Variants in CMIP observed in about 807,000 individuals in gnomAD.
The protein encoded by CMIP is c-Maf inducing protein, also known as C-Maf-inducing protein.
Under a neutral mutation model 97.3 loss-of-function variants are expected in CMIP, and 13 were observed. That is an observed-to-expected ratio of 0.13 (90% CI 0.09 to 0.21). The LOEUF is 0.21. Ranked by LOEUF, CMIP falls within the 10% of genes least tolerant of loss-of-function variation. The pLI, the probability that CMIP is intolerant of heterozygous loss-of-function variation, is 1.00. For synonymous variants in CMIP, 538 were observed against 436.3 expected (o/e 1.23, Z -2.91); for missense variants, 847 against 1,024.9 (o/e 0.83, Z 2.37).
At chr16:81,661,278 G>A (rs1432347489) in intron 6 of CMIP, among the ~76,000 whole-genome samples, 1 of 152,244 alleles carries the variant, frequency 6.6e-6, no homozygotes, top group Non-Finnish European at 1.5e-5. Context: ...CTGCGCAGTG[G>A]CTGGCCCACG....
At chr16:81,493,742 G>A (rs114399448) in intron 1 of CMIP, among the ~76,000 whole-genome samples, 485 of 152,324 alleles carry the variant, frequency 3.2e-3, no homozygotes, top group African/African-American at 0.01. Context: ...CATACACGAA[G>A]CAACACGCAC....
chr16:81,585,434 C>T (rs1236791522), intron 1 of CMIP, among the ~76,000 whole-genome samples: 6 of 152,186 alleles, frequency 3.9e-5, no homozygotes, highest in African/African-American at 1.2e-4. Flanking sequence ...ACAATATTCT[C>T]ATCACCTCAA....
chr16:81,643,078 G>A (rs1388785459), intron 3 of CMIP, among the ~76,000 whole-genome samples: 4 of 152,142 alleles, frequency 2.6e-5, no homozygotes, highest in Non-Finnish European at 5.9e-5. Flanking sequence ...CAACAGTTTT[G>A]GCAGACACAG....
rs557362070 is a variant in CMIP, at chr16:81,694,615, A to G, written c.1530+1128A>G. Among the ~76,000 whole-genome samples, 29 of 152,304 alleles carry G rather than the reference A, an allele frequency of 1.9e-4. 1 individual carries two copies. The highest frequency in any genetic ancestry group is 1.2e-3 in the East Asian group (6 of 5,188). ...GTTCTAGAGTACTTGTTCTCAAACT[A>G]TATTACCTGAGGAGCTTGTTCAAAA... On this transcript the variant is annotated intron_variant, in intron 13 of 20. Coordinates refer to ENST00000537098, the MANE Select transcript of CMIP (RefSeq NM_198390.3).
rs1479330945 is a variant in CMIP at position 81,485,501 on chromosome 16, G to A, written c.300+39960G>A. Among the ~76,000 whole-genome samples, 11 of 152,330 alleles carry A rather than the reference G, an allele frequency of 7.2e-5. No homozygotes were observed. The South Asian group carries it at 2.3e-3, about 32-fold the overall frequency. On this transcript the variant is annotated intron_variant, in intron 1 of 20. Transcript: ENST00000537098. The stretch of plus-strand genomic sequence containing the variant: ...GTCCCAGCTTGTAGACACTCCCCAG[G>A]TGATTCTACAGTGTGGCCTGGGTGG...
intron 12 of CMIP, 84 bp downstream of exon 12, chr16:81,693,268 T>C: frequency 7.1e-7 from 1 of 1,414,198 alleles, no homozygotes. Context: ...CCATGCATTC[T>C]GGGAGGCAGT....
chr16:81,581,088 G>A (rs1456656378), intron 1 of CMIP, among the ~76,000 whole-genome samples: 3 of 152,146 alleles, frequency 2.0e-5, no homozygotes, highest in Middle Eastern at 3.2e-3. Context: ...CTTCCGTGTT[G>A]CAGCATGTGT....
chr16:81,620,801 C>A, intron 2 of CMIP, 75 bp from the exon 3 acceptor site: 1 of 1,573,678 alleles, frequency 6.4e-7, no homozygotes, highest in Non-Finnish European at 8.7e-7. Flanking sequence ...TGGGGGCTCA[C>A]ATGCTGGCCT....
chr16:81,643,512 G>A (rs777882705), intron 3 of CMIP, among the ~76,000 whole-genome samples: 10 of 152,180 alleles, frequency 6.6e-5, no homozygotes, highest in Admixed American at 2.6e-4. Flanking sequence ...CATGGTGGCC[G>A]GGCGCAGTGG....
At chr16:81,694,660 G>T (rs975301918) in intron 13 of CMIP, among the ~76,000 whole-genome samples, 1 of 152,174 alleles carries the variant, frequency 6.6e-6, no homozygotes, top group Non-Finnish European at 1.5e-5. Context: ...CCCTGCCGCC[G>T]CATCCCTTCC....
At chr16:81,524,692 G>A (rs1291777158) in intron 1 of CMIP, among the ~76,000 whole-genome samples, 1 of 152,222 alleles carries the variant, frequency 6.6e-6, no homozygotes, top group African/African-American at 2.4e-5. Context: ...CCTGCTCAGA[G>A]CCACCCAGCG....
intron 1 of CMIP, among the ~76,000 whole-genome samples, chr16:81,535,803 G>A (rs1249923809): frequency 6.6e-6 from 1 of 152,098 alleles, no homozygotes; most frequent in Admixed American, 6.6e-5. Context: ...CCCAGACTCT[G>A]AACTGGCTGA....
In CMIP at chr16:81,670,254, C is replaced by G; in HGVS notation, c.929+9C>G. On this transcript the variant is annotated intron_variant, in intron 8 of 20. Transcript: ENST00000537098. ...AAGAAGTTCATTCAGAGGTGGGTCT[C>G]CGGCGCGACGTCCCTCTGTGGCCTA... The G allele has an allele frequency of 5.6e-6, 9 of 1,603,442 alleles. No homozygotes were observed. Among genetic ancestry groups the G allele is most frequent in the Non-Finnish European group, 7.7e-6 (9 of 1,175,060 alleles).
At chr16:81,468,457 G>A (rs1224426541) in intron 1 of CMIP, among the ~76,000 whole-genome samples, 1 of 152,270 alleles carries the variant, frequency 6.6e-6, no homozygotes, top group East Asian at 1.9e-4. Flanking sequence ...CTTGTAGGGT[G>A]AGAACGAAGT....
chr16:81,463,063 A>C (rs2150739551), intron 1 of CMIP, among the ~76,000 whole-genome samples: 2 of 152,306 alleles, frequency 1.3e-5, no homozygotes, highest in Non-Finnish European at 2.9e-5. Context: ...CTACCTGGCA[A>C]ATTCAGCTGA....
chr16:81,503,543 C>T lies in CMIP; in HGVS notation c.300+58002C>T, dbSNP rs117830465. 1.2e-4 allele frequency among the ~76,000 whole-genome samples: 18 copies of T among 152,302 alleles called. No individual in the cohort carries two copies. The East Asian group carries it at 2.7e-3, about 23-fold the overall frequency. On this transcript the variant is annotated intron_variant, in intron 1 of 20. Transcript: ENST00000537098. Reference sequence around the variant, plus strand: ...TCCCGAGTAGGTGGGACCATAGATACATGCCACTGCACCTGGCTAATTTTT... The same window carrying T: ...TCCCGAGTAGGTGGGACCATAGATATATGCCACTGCACCTGGCTAATTTTT...
intron 3 of CMIP, among the ~76,000 whole-genome samples, chr16:81,643,521 G>A (rs182555119): frequency 1.3e-5 from 2 of 152,338 alleles, no homozygotes; most frequent in Admixed American, 6.5e-5. Context: ...CGGGCGCAGT[G>A]GCTCACACCT....
intron 2 of CMIP, among the ~76,000 whole-genome samples, chr16:81,609,007 A>C (rs527977340): frequency 6.6e-6 from 1 of 152,354 alleles, no homozygotes; most frequent in African/African-American, 2.4e-5. Flanking sequence ...TGCTGAGCTC[A>C]GTAGCGGAGC....
intron 13 of CMIP, chr16:81,695,367 G>C (rs1906592006): frequency 6.6e-6 from 1 of 152,150 alleles, no homozygotes; most frequent in African/African-American, 2.4e-5. Context: ...TTATTGCTTT[G>C]AAGTCGATAA....
Sources: allele counts gnomAD v4.1 joint callset (sites outside exome capture counted in the v4.1 genomes callset), GRCh38; gene constraint gnomAD v4.1.1; transcripts MANE v1.5; gene names NCBI Gene and HGNC (gene_info 2026-07-23, HGNC 2026-07-21).